PAQR5: variants seen among roughly 807,000 people sequenced by gnomAD.
The protein encoded by PAQR5 is progestin and adipoQ receptor family member 5.
In PAQR5, 20 loss-of-function variants were observed where a neutral mutation model predicts 34.5. That is an observed-to-expected ratio of 0.58 (90% confidence interval 0.41 to 0.84). The LOEUF (loss-of-function observed/expected upper bound fraction) is 0.84, where lower values mean the gene tolerates loss of function less well. Ranked by LOEUF, PAQR5 falls within the 40% of genes least tolerant of loss-of-function variation. The probability of loss-of-function intolerance (pLI) is 0.00; values close to 1 mark genes in which losing one functional copy is unlikely to be tolerated. For missense variants in PAQR5, 378 were observed against 412.7 expected, an observed-to-expected ratio of 0.92 and a Z score of 0.73; for synonymous variants, 131 against 155.6, an observed-to-expected ratio of 0.84 and a Z score of 1.18.
intron 8 of PAQR5, 59 bp downstream of exon 8, chr15:69,400,174 G>C: frequency 2.0e-6 from 3 of 1,533,096 alleles, no homozygotes; most frequent in Non-Finnish European, 2.7e-6. Flanking sequence ...GGAGGGTCCT[G>C]TCCCTGACTC....
At chr15:69,339,176 C>T (rs2054581572) in intron 2 of PAQR5, among the ~76,000 whole-genome samples, 1 of 146,566 alleles carries the variant, frequency 6.8e-6, no homozygotes, top group African/African-American at 2.4e-5. Context: ...CTACACCCCC[C>T]ACCCCGCCAC....
intron 3 of PAQR5, among the ~76,000 whole-genome samples, chr15:69,369,398 T>C (rs765706209): frequency 2.1e-4 from 32 of 152,172 alleles, no homozygotes; most frequent in Non-Finnish European, 4.4e-5. Context: ...TAGCAGAGCC[T>C]GGTGGCATGT....
At chr15:69,299,789 T>C (rs1389276763) in intron 1 of PAQR5, among the ~76,000 whole-genome samples, 1 of 151,888 alleles carries the variant, frequency 6.6e-6, no homozygotes, top group Non-Finnish European at 1.5e-5. Context: ...CCCGCTTAGG[T>C]TGGGAGGAGG....
intron 3 of PAQR5, among the ~76,000 whole-genome samples, chr15:69,377,435 C>A (rs148784850): frequency 6.6e-6 from 1 of 152,298 alleles, no homozygotes; most frequent in African/African-American, 2.4e-5. Context: ...CACCATAAAC[C>A]GGGGATGTCA....
intron 1 of PAQR5, among the ~76,000 whole-genome samples, chr15:69,334,447 T>G (rs1324030983): frequency 2.0e-5 from 3 of 152,328 alleles, no homozygotes; most frequent in Middle Eastern, 6.8e-3. Flanking sequence ...TCAAACTGTT[T>G]CTTTGACTTT....
At chr15:69,335,190 T>C (rs544733471) in intron 1 of PAQR5, among the ~76,000 whole-genome samples, 1 of 149,266 alleles carries the variant, frequency 6.7e-6, no homozygotes, top group Non-Finnish European at 1.5e-5. Context: ...TGCTCAAGCA[T>C]GGGCAACAGA....
chr15:69,325,519 C>T lies in PAQR5; in HGVS notation c.-276-11822C>T, dbSNP rs186252563. ...TTAAGGGATAGAACTGTTGTGTCTG[C>T]TTCTTCATCCCCATATCTTTCCTAC... On this transcript the variant is annotated intron_variant, in intron 1 of 8. Coordinates refer to ENST00000395407, the MANE Select transcript of PAQR5 (RefSeq NM_017705.4). Among the ~76,000 whole-genome samples the T allele has an allele frequency of 1.2e-4, 18 of 152,314 alleles. No individual in the cohort carries two copies. In the East Asian group the frequency reaches 3.3e-3, roughly 28 times the overall value.
At chr15:69,299,599 T>C (rs2053480853) in intron 1 of PAQR5, among the ~76,000 whole-genome samples, 1 of 151,872 alleles carries the variant, frequency 6.6e-6, no homozygotes, top group South Asian at 2.1e-4. Context: ...CTACAGGGAG[T>C]TCCCCCTGCT....
chr15:69,354,059 T>C (rs2054994635), intron 2 of PAQR5, among the ~76,000 whole-genome samples: 1 of 152,182 alleles, frequency 6.6e-6, no homozygotes, highest in African/African-American at 2.4e-5. Context: ...CTTAGAATTA[T>C]CCTGCTCTGT....
chr15:69,407,381 A>C lies in PAQR5; in HGVS notation c.*3559A>C, dbSNP rs2056760522. On this transcript the variant is annotated 3_prime_UTR_variant, in exon 9 of 9. Transcript: ENST00000395407. ...TGAATTCAAGTGATTTGTCTGCCTC[A>C]GGCTCCCAAAGTGCTGGGATTACAG... 1 of 152,264 alleles carries C rather than the reference A, an allele frequency of 6.6e-6. No individual in the cohort carries two copies. The highest frequency in any genetic ancestry group is 2.1e-4 in the South Asian group (1 of 4,834). 9.4% of individuals were successfully genotyped at this position (152,264 alleles called of 1,614,324 possible).
At chr15:69,365,016 G>T (rs1018107289) in intron 3 of PAQR5, among the ~76,000 whole-genome samples, 2 of 151,678 alleles carry the variant, frequency 1.3e-5, no homozygotes, top group Admixed American at 1.3e-4. Flanking sequence ...GATTACAGGC[G>T]TGAGCCACCG....
chr15:69,370,825 A>G (rs1260248027), intron 3 of PAQR5, among the ~76,000 whole-genome samples: 1 of 152,136 alleles, frequency 6.6e-6, no homozygotes, highest in Non-Finnish European at 1.5e-5. Context: ...CAGGCCTGAC[A>G]AATGCCCCTT....
At chr15:69,320,996 C>T (rs761403647) in intron 1 of PAQR5, among the ~76,000 whole-genome samples, 3 of 152,082 alleles carry the variant, frequency 2.0e-5, no homozygotes, top group East Asian at 1.9e-4. Context: ...CAGAGACTGC[C>T]GTCTTTTATT....
At chr15:69,363,548 TG>T (rs368116089) in intron 3 of PAQR5, among the ~76,000 whole-genome samples, 67,230 of 100,470 alleles carry the variant, frequency 0.67, 26,735 homozygotes, top group South Asian at 0.81. Context: ...TTTTTGTTTT[TG>T]TTTTTTTTTT....
intron 1 of PAQR5, among the ~76,000 whole-genome samples, chr15:69,319,687 G>A (rs1192001425): frequency 1.3e-5 from 2 of 152,116 alleles, no homozygotes; most frequent in Admixed American, 6.5e-5. Context: ...CCTCTTCCCA[G>A]GGTTAGAAAC....
chr15:69,350,487 A>G (rs28840378), intron 2 of PAQR5, among the ~76,000 whole-genome samples: 1 of 152,042 alleles, frequency 6.6e-6, no homozygotes, highest in Non-Finnish European at 1.5e-5. Context: ...TGCTAAAAAT[A>G]CAAAATTTAG....
In PAQR5 at chr15:69,396,892, GAAGAA is replaced by G. The variant is rs201083750; in HGVS notation, c.513-575_513-571del. 1,267 of 298,702 alleles carry G rather than the reference GAAGAA, an allele frequency of 4.2e-3. 14 individuals carry two copies. Among genetic ancestry groups the G allele is most frequent in the African/African-American group, 0.026 (1,181 of 45,176 alleles). The allele number at this position is 298,702 out of a possible 1,614,324, so 18.5% of individuals were successfully genotyped here. A position where few individuals can be genotyped will look rare whatever the true frequency, so the allele number is the denominator to read the frequency against. ...TTGGAGGTTGGGTGAGGGTGGCAAT[GAAGAA>G]GAGAAGGAAAGACTTCACGTTTATT... On this transcript the variant is annotated intron_variant, in intron 6 of 8. Coordinates refer to ENST00000395407, the MANE Select transcript of PAQR5 (RefSeq NM_017705.4).
At chr15:69,387,695 T>TGTG (rs372497196) in intron 5 of PAQR5, among the ~76,000 whole-genome samples, 12 of 152,314 alleles carry the variant, frequency 7.9e-5, no homozygotes, top group African/African-American at 2.9e-4. Flanking sequence ...CTGAAGCCCA[T>TGTG]GTGGTCCACC....
intron 6 of PAQR5, among the ~76,000 whole-genome samples, chr15:69,392,786 A>G (rs1327209999): frequency 6.6e-6 from 1 of 152,136 alleles, no homozygotes; most frequent in Admixed American, 6.5e-5. Flanking sequence ...AAGGAGGTAG[A>G]ACACTTTAGC....
Sources: allele counts gnomAD v4.1 joint callset (sites outside exome capture counted in the v4.1 genomes callset), GRCh38; gene constraint gnomAD v4.1.1; transcripts MANE v1.5; gene names NCBI Gene and HGNC (gene_info 2026-07-23, HGNC 2026-07-21).